PAPPA: variants seen among roughly 807,000 people sequenced by gnomAD.
PAPPA encodes pappalysin 1.
A neutral mutation model predicts 164.0 loss-of-function variants in PAPPA; 60 were observed. The ratio of observed to expected loss-of-function variants is 0.37; its 90% CI spans 0.30 to 0.45. The LOEUF is 0.45. Ranked by LOEUF, PAPPA falls within the 20% of genes least tolerant of loss-of-function variation. The probability of loss-of-function intolerance (pLI) is 1.00; values close to 1 mark genes in which losing one functional copy is unlikely to be tolerated. For missense variants in PAPPA, 1,782 were observed against 2,087.3 expected, an observed-to-expected ratio of 0.85 and a Z score of 2.85; for synonymous variants, 875 against 814.1, an observed-to-expected ratio of 1.07 and a Z score of -1.27.
At chr9:116,395,926 C>G (rs566831287) in intron 21 of PAPPA, among the ~76,000 whole-genome samples, 1 of 151,908 alleles carries the variant, frequency 6.6e-6, no homozygotes, top group East Asian at 1.9e-4. Flanking sequence ...CACATCCTTT[C>G]TTTCACTTGA....
At chr9:116,191,713 C>T (rs1188087613) in intron 2 of PAPPA, among the ~76,000 whole-genome samples, 1 of 152,112 alleles carries the variant, frequency 6.6e-6, no homozygotes, top group Non-Finnish European at 1.5e-5. Context: ...TTTGAGTAGG[C>T]ATTTGAGAAT....
intron 20 of PAPPA, among the ~76,000 whole-genome samples, 196 bp downstream of exon 20, chr9:116,377,843 C>T (rs996785580): frequency 6.6e-6 from 1 of 152,084 alleles, no homozygotes; most frequent in African/African-American, 2.4e-5. Context: ...TATAAAGAAA[C>T]ATACTAAAAA....
intron 5 of PAPPA, among the ~76,000 whole-genome samples, chr9:116,225,128 C>T (rs544279450): frequency 5.9e-5 from 9 of 152,256 alleles, no homozygotes; most frequent in South Asian, 2.1e-4. Context: ...AGCACATAGA[C>T]GAAATAATGA....
intron 21 of PAPPA, among the ~76,000 whole-genome samples, chr9:116,386,598 C>G (rs1419002685): frequency 2.6e-5 from 4 of 152,166 alleles, no homozygotes; most frequent in Admixed American, 2.6e-4. Flanking sequence ...CAAGTTTGAA[C>G]CCAGTTCTAT....
At chr9:116,243,288 A>T (rs896679000) in intron 7 of PAPPA, among the ~76,000 whole-genome samples, 1 of 152,206 alleles carries the variant, frequency 6.6e-6, no homozygotes, top group African/African-American at 2.4e-5. Context: ...GCAGGGCTTA[A>T]ATTTAGTCAC....
At position 116,278,303 on chromosome 9, in the gene PAPPA, T is replaced by C. The variant is rs559783235; in HGVS notation, c.2953+6887T>C. On this transcript the variant is annotated intron_variant, in intron 9 of 21. Transcript: ENST00000328252. ...GTCAGAAAATTGAGGCGTTGAGAGG[T>C]TAAGTGAATATCCAAAGTCATATAG... Among the ~76,000 whole-genome samples, 4 of 152,220 alleles carry C rather than the reference T, an allele frequency of 2.6e-5. No individual in the cohort carries two copies. In the East Asian group the frequency reaches 7.7e-4, roughly 29 times the overall value.
chr9:116,236,210 C>T (rs1844663401), intron 7 of PAPPA, among the ~76,000 whole-genome samples: 1 of 152,042 alleles, frequency 6.6e-6, no homozygotes. Flanking sequence ...CCCATTTGAT[C>T]CTTAGGGCCT....
intron 2 of PAPPA, among the ~76,000 whole-genome samples, chr9:116,196,549 C>T (rs117879059): frequency 6.6e-6 from 1 of 152,198 alleles, no homozygotes; most frequent in Non-Finnish European, 1.5e-5. Flanking sequence ...TTGGTTACAG[C>T]TCAGCTTGTT....
intron 17 of PAPPA, 133 bp downstream of exon 17, chr9:116,353,926 G>T: frequency 3.4e-6 from 2 of 581,314 alleles, no homozygotes; most frequent in Non-Finnish European, 5.8e-6. Flanking sequence ...CCGCAATACT[G>T]TTTTTGATTT....
chr9:116,335,117 G>C, intron 13 of PAPPA, 43 bp downstream of exon 13: 1 of 1,489,020 alleles, frequency 6.7e-7, no homozygotes. Flanking sequence ...ACTTGTAGCC[G>C]AGTGGAGACA....
At chr9:116,313,988 A>G (rs1326546803) in intron 10 of PAPPA, among the ~76,000 whole-genome samples, 1 of 151,684 alleles carries the variant, frequency 6.6e-6, no homozygotes, top group East Asian at 1.9e-4. Flanking sequence ...AGCACGCTTA[A>G]AGCACTTAGG....
chr9:116,324,732 G>C (rs887399214), intron 10 of PAPPA, among the ~76,000 whole-genome samples: 16 of 152,104 alleles, frequency 1.1e-4, no homozygotes, highest in African/African-American at 3.9e-4. Flanking sequence ...TCACAAAATG[G>C]GCAATGCAGC....
chr9:116,225,773 G>A (rs553415412), intron 5 of PAPPA, among the ~76,000 whole-genome samples: 1 of 152,230 alleles, frequency 6.6e-6, no homozygotes, highest in South Asian at 2.1e-4. Context: ...CACTAAGTTA[G>A]CCATGAGTAT....
At chr9:116,159,025 A>G (rs1429034399) in intron 1 of PAPPA, among the ~76,000 whole-genome samples, 1 of 152,312 alleles carries the variant, frequency 6.6e-6, no homozygotes, top group Non-Finnish European at 1.5e-5. Context: ...CTATGTGTCA[A>G]CCATATACCT....
chr9:116,355,425 G>A (rs1846340115), intron 17 of PAPPA, among the ~76,000 whole-genome samples: 2 of 152,204 alleles, frequency 1.3e-5, no homozygotes, highest in South Asian at 2.1e-4. Flanking sequence ...AGCTGTAAAT[G>A]GGCTGAGTCC....
chr9:116,159,051 T>A (rs1163513994), intron 1 of PAPPA, among the ~76,000 whole-genome samples: 1 of 152,182 alleles, frequency 6.6e-6, no homozygotes, highest in Non-Finnish European at 1.5e-5. Flanking sequence ...TCGAAGAGGG[T>A]GAGAAATGGA....
chr9:116,188,698 G>A (rs1844007984), intron 2 of PAPPA, among the ~76,000 whole-genome samples: 1 of 152,166 alleles, frequency 6.6e-6, no homozygotes, highest in Non-Finnish European at 1.5e-5. Context: ...TACTGGCAAA[G>A]CAATATGAAA....
intron 10 of PAPPA, among the ~76,000 whole-genome samples, chr9:116,305,202 G>T (rs1845630854): frequency 6.9e-6 from 1 of 144,494 alleles, no homozygotes; most frequent in Non-Finnish European, 1.5e-5. Context: ...AGAGGTAAAG[G>T]CTATTCCTGA....
chr9:116,154,722 G>C lies in PAPPA; in HGVS notation c.415+135G>C, dbSNP rs951993043. On this transcript the variant is annotated intron_variant, in intron 1 of 21. Coordinates refer to ENST00000328252, the MANE Select transcript of PAPPA (RefSeq NM_002581.5). This position sits in a 1 kb window ranked among gnomAD's most constrained non-coding sequence, Gnocchi z 5.2. ...CGAGAGCTGCCCCGCGAGCGGCGCAGAGACATCCGGGCGAGCTGAGAGCCT... is the reference window on the plus strand; with the variant it reads ...CGAGAGCTGCCCCGCGAGCGGCGCACAGACATCCGGGCGAGCTGAGAGCCT... 26 of 1,076,024 alleles carry C rather than the reference G, an allele frequency of 2.4e-5. No homozygotes were observed. The highest frequency in any genetic ancestry group is 5.4e-5 in the Admixed American group (1 of 18,398). The allele number at this position is 1,076,024 out of a possible 1,614,324, so 66.7% of individuals were successfully genotyped here. A position where few individuals can be genotyped will look rare whatever the true frequency, so the allele number is the denominator to read the frequency against.
Sources: gnomAD v4.1 joint callset for allele counts (sites outside exome capture counted in the v4.1 genomes callset) on GRCh38, gnomAD v4.1.1 for gene constraint, Gnocchi (gnomAD v3.1) non-coding constraint, MANE v1.5 for transcripts, NCBI Gene and HGNC (gene_info 2026-07-23, HGNC 2026-07-21) for gene names.